ARHGAP21: variants seen among roughly 807,000 people sequenced by gnomAD.
ARHGAP21 encodes the protein Rho GTPase activating protein 21.
Under a neutral mutation model 164.6 loss-of-function variants are expected in ARHGAP21, and 38 were observed. That is an observed-to-expected ratio of 0.23 (90% CI 0.18 to 0.30). The LOEUF is 0.30. Ranked by LOEUF, ARHGAP21 falls within the 10% of genes least tolerant of loss-of-function variation. The probability of loss-of-function intolerance (pLI) is 1.00; values close to 1 mark genes in which losing one functional copy is unlikely to be tolerated. For missense variants in ARHGAP21, 1,822 were observed against 2,370.7 expected (o/e 0.77, Z 4.81); for synonymous variants, 766 against 857.9 (o/e 0.89, Z 1.87).
intron 4 of ARHGAP21, among the ~76,000 whole-genome samples, chr10:24,653,756 A>G (rs1838464548): frequency 6.6e-6 from 1 of 152,154 alleles, no homozygotes; most frequent in African/African-American, 2.4e-5. Flanking sequence ...CTAGGATTTC[A>G]TATAAATGGA....
At chr10:24,643,070 A>T (rs1232944697) in intron 4 of ARHGAP21, among the ~76,000 whole-genome samples, 1 of 152,226 alleles carries the variant, frequency 6.6e-6, no homozygotes, top group Non-Finnish European at 1.5e-5. Context: ...TAAGTACAGT[A>T]CCACTAGGTG....
intron 2 of ARHGAP21, among the ~76,000 whole-genome samples, chr10:24,707,387 T>C (rs907394477): frequency 2.6e-5 from 4 of 152,216 alleles, no homozygotes; most frequent in African/African-American, 9.6e-5. Context: ...ATCACCCCTT[T>C]CTGTCTAAAT....
chr10:24,602,374 T>A (rs1182655447), intron 12 of ARHGAP21, among the ~76,000 whole-genome samples: 3 of 152,300 alleles, frequency 2.0e-5, no homozygotes, highest in African/African-American at 4.8e-5. Flanking sequence ...CCGTTTGTGA[T>A]TTATGTTATT....
chr10:24,689,496 T>G (rs538082130), intron 2 of ARHGAP21, among the ~76,000 whole-genome samples: 166 of 152,228 alleles, frequency 1.1e-3, no homozygotes, highest in Non-Finnish European at 2.0e-3. Flanking sequence ...TTCCAACACT[T>G]TGGGAGGCCA....
intron 2 of ARHGAP21, among the ~76,000 whole-genome samples, chr10:24,673,332 C>G (rs1203055703): frequency 6.6e-6 from 1 of 152,222 alleles, no homozygotes; most frequent in Admixed American, 6.5e-5. Context: ...TCAAGAAACA[C>G]AGATTCACAG....
At chr10:24,630,086 G>A (rs1450592093) in intron 6 of ARHGAP21, 36 bp from the exon 7 acceptor site, 2 of 1,221,172 alleles carry the variant, frequency 1.6e-6, no homozygotes, top group Non-Finnish European at 2.3e-6. Flanking sequence ...AGGAGAGGTA[G>A]AAGTGTATAA....
intron 7 of ARHGAP21, among the ~76,000 whole-genome samples, chr10:24,628,822 CACACATATATGTACATATAT>C (rs1466759495): frequency 4.2e-5 from 5 of 118,412 alleles, no homozygotes; most frequent in African/African-American, 1.7e-4. Context: ...TATACATATA[CACACATATATGTACATATAT>C]ACACATACAT....
Position 24,597,933 on chromosome 10 carries a change from T to C in ARHGAP21, c.3197+12A>G, listed in dbSNP as rs751260822. 1 of 1,610,962 alleles carries C rather than the reference T, an allele frequency of 6.2e-7. No individual in the cohort carries two copies. Among genetic ancestry groups the C allele is most frequent in the South Asian group, 1.1e-5 (1 of 90,770 alleles). ...ATATCCAAATTAACTGCAGGCAAGG[T>C]GGGATTCTCACCTCATCAGATTGTT... On this transcript the variant is annotated intron_variant, in intron 15 of 25. Coordinates refer to ENST00000396432, the MANE Select transcript of ARHGAP21 (RefSeq NM_020824.4).
intron 19 of ARHGAP21, 94 bp downstream of exon 19, chr10:24,595,623 A>AAGAC: frequency 7.7e-7 from 1 of 1,303,454 alleles, no homozygotes; most frequent in Non-Finnish European, 1.1e-6. Flanking sequence ...TCCTTTGACC[A>AAGAC]AGACATTTTG....
At chr10:24,665,460 T>C (rs931411075) in intron 4 of ARHGAP21, among the ~76,000 whole-genome samples, 6 of 152,144 alleles carry the variant, frequency 3.9e-5, no homozygotes, top group Non-Finnish European at 7.3e-5. Flanking sequence ...TCAGTACCCA[T>C]ACATATAATA....
intron 2 of ARHGAP21, among the ~76,000 whole-genome samples, chr10:24,682,883 C>T (rs1841904838): frequency 1.3e-5 from 2 of 151,996 alleles, no homozygotes; most frequent in South Asian, 4.2e-4. Context: ...ATCACGAGGT[C>T]AGGAGATTGA....
chr10:24,677,837 G>A (rs1265828282), intron 2 of ARHGAP21, among the ~76,000 whole-genome samples: 2 of 152,104 alleles, frequency 1.3e-5, no homozygotes, highest in East Asian at 1.9e-4. Flanking sequence ...ATTTATTGAG[G>A]ACCTACTGTT....
chr10:24,597,173 A>ATGAT (rs1301693631), intron 16 of ARHGAP21, among the ~76,000 whole-genome samples: 4 of 152,022 alleles, frequency 2.6e-5, no homozygotes, highest in East Asian at 1.9e-4. Context: ...TTATTTCAAA[A>ATGAT]TGATAGGACC....
At chr10:24,613,259 T>A (rs1354215589) in intron 9 of ARHGAP21, among the ~76,000 whole-genome samples, 1 of 152,158 alleles carries the variant, frequency 6.6e-6, no homozygotes, top group Non-Finnish European at 1.5e-5. Context: ...CACATGGCCT[T>A]CTCATCTTTG....
At chr10:24,721,454 T>C (rs1340204805) in intron 2 of ARHGAP21, among the ~76,000 whole-genome samples, 2 of 151,992 alleles carry the variant, frequency 1.3e-5, no homozygotes, top group Non-Finnish European at 2.9e-5. Context: ...CAGACACAAA[T>C]GCTGAAAGCC....
chr10:24,638,408 A>G (rs774079286), intron 4 of ARHGAP21, among the ~76,000 whole-genome samples: 4 of 152,266 alleles, frequency 2.6e-5, no homozygotes, highest in Non-Finnish European at 5.9e-5. Flanking sequence ...CAATTTTGCC[A>G]GAACTGGAAA....
At chr10:24,659,726 C>T (rs1565116882) in intron 4 of ARHGAP21, among the ~76,000 whole-genome samples, 1 of 152,100 alleles carries the variant, frequency 6.6e-6, no homozygotes, top group African/African-American at 2.4e-5. Flanking sequence ...CTGTTCTCAA[C>T]CTCCTGGCCT....
chr10:24,642,999 G>A (rs549846237), intron 4 of ARHGAP21, among the ~76,000 whole-genome samples: 2 of 152,258 alleles, frequency 1.3e-5, no homozygotes, highest in Admixed American at 1.3e-4. Context: ...ATAGTGCTAC[G>A]ACTAATCTGT....
At chr10:24,683,186 A>C (rs921041325) in intron 2 of ARHGAP21, among the ~76,000 whole-genome samples, 8 of 151,920 alleles carry the variant, frequency 5.3e-5, no homozygotes, top group Admixed American at 4.6e-4. Context: ...TTAGTTGATA[A>C]TACTTCCAAT....
Sources: gnomAD v4.1 joint callset for allele counts (sites outside exome capture counted in the v4.1 genomes callset) on GRCh38, gnomAD v4.1.1 for gene constraint, MANE v1.5 for transcripts, NCBI Gene and HGNC (gene_info 2026-07-23, HGNC 2026-07-21) for gene names.